GSE1: variants seen among roughly 807,000 people sequenced by gnomAD.
GSE1 encodes the protein Gse1 coiled-coil protein.
GSE1 carries 32 observed loss-of-function variants against 112.6 expected under a neutral mutation model. The ratio of observed to expected loss-of-function variants is 0.28; its 90% CI spans 0.21 to 0.38. The LOEUF is 0.38. GSE1 is among the 10% of genes least tolerant of loss of function. The pLI is 1.00. For missense variants in GSE1, 2,348 were observed against 1,699.2 expected (o/e 1.38, Z -6.71); for synonymous variants, 1,115 against 735.6 (o/e 1.52, Z -8.35).
At chr16:85,440,534 G>A (rs1371610698) in intron 2 of GSE1, among the ~76,000 whole-genome samples, 1 of 152,212 alleles carries the variant, frequency 6.6e-6, no homozygotes, top group African/African-American at 2.4e-5. Context: ...CCCAGAATGA[G>A]GACTCGGCTG....
chr16:85,528,327 T>A (rs1433306957), intron 2 of GSE1, among the ~76,000 whole-genome samples: 1 of 152,078 alleles, frequency 6.6e-6, no homozygotes, highest in Non-Finnish European at 1.5e-5. Flanking sequence ...TTTGTTTGTT[T>A]GTTTGTTTGT....
At chr16:85,668,502 C>CAGACCTCTGCCAGCCTGGG in intron 14 of GSE1, 78 bp downstream of exon 14, 1 of 956,988 alleles carries the variant, frequency 1.0e-6, no homozygotes, top group South Asian at 1.6e-5. Flanking sequence ...TGAGTTCATG[C>CAGACCTCTGCCAGCCTGGG]AGACCTCTGC....
intron 1 of GSE1, among the ~76,000 whole-genome samples, chr16:85,585,232 G>T (rs2046636407): frequency 6.6e-6 from 1 of 152,222 alleles, no homozygotes; most frequent in Admixed American, 6.5e-5. Flanking sequence ...CTGCCCTGCT[G>T]TGTGTCACCG....
intron 2 of GSE1, among the ~76,000 whole-genome samples, chr16:85,403,762 A>G (rs979497909): frequency 5.9e-5 from 9 of 152,174 alleles, no homozygotes; most frequent in African/African-American, 2.2e-4. Context: ...TGATCCTGCC[A>G]CTGCACTCCA....
intron 2 of GSE1, among the ~76,000 whole-genome samples, chr16:85,404,196 G>C (rs1474463697): frequency 7.5e-5 from 7 of 93,240 alleles, no homozygotes; most frequent in African/African-American, 1.4e-4. Flanking sequence ...TACACTCAGG[G>C]CCCCCCTGGA....
chr16:85,278,886 A>T (rs549236430), intron 1 of GSE1: 4 of 185,238 alleles, frequency 2.2e-5, no homozygotes, highest in Non-Finnish European at 3.5e-5. Context: ...TAATTGCTGT[A>T]GAAATCTGCG....
intron 1 of GSE1, among the ~76,000 whole-genome samples, chr16:85,188,238 G>A (rs981242914): frequency 3.3e-5 from 5 of 150,748 alleles, no homozygotes; most frequent in Non-Finnish European, 1.5e-5. Flanking sequence ...CTGGGCACTG[G>A]GCAGCAGTCA....
intron 2 of GSE1, among the ~76,000 whole-genome samples, chr16:85,434,601 T>G (rs1340734186): frequency 6.6e-6 from 1 of 152,052 alleles, no homozygotes; most frequent in Non-Finnish European, 1.5e-5. Flanking sequence ...GCGGATCACT[T>G]GAGGTCAGGA....
chr16:85,650,339 C>G (rs531713718), intron 3 of GSE1, among the ~76,000 whole-genome samples: 49 of 152,292 alleles, frequency 3.2e-4, no homozygotes, highest in African/African-American at 1.2e-3. Context: ...ACAGCTGAGG[C>G]TCCTTGCGCC....
intron 1 of GSE1, among the ~76,000 whole-genome samples, chr16:85,340,430 A>G (rs1046723216): frequency 5.3e-5 from 8 of 152,270 alleles, no homozygotes; most frequent in East Asian, 1.9e-4. Context: ...ACTTGAGGTG[A>G]GGAGTTCGAA....
rs1401097375 is a variant in GSE1 at position 85,661,784 on chromosome 16, C to T, written c.2260+19C>T. 1.1e-5 allele frequency: 16 copies of T among 1,486,004 alleles called. No individual in the cohort carries two copies. In the South Asian group the frequency reaches 2.0e-4, roughly 19 times the overall value. 92.1% of individuals were successfully genotyped at this position (1,486,004 alleles called of 1,614,324 possible). On this transcript the variant is annotated intron_variant, in intron 9 of 15. Coordinates refer to ENST00000253458, the MANE Select transcript of GSE1 (RefSeq NM_014615.5). Reference sequence around the variant, plus strand: ...GAGAAAGGTCTGCCTCCCCGCGGGCCCCGAGCTGCTCAGGGAGAGCCGCAC... The same window carrying T: ...GAGAAAGGTCTGCCTCCCCGCGGGCTCCGAGCTGCTCAGGGAGAGCCGCAC...
At chr16:85,589,603 G>C (rs773516537) in intron 1 of GSE1, among the ~76,000 whole-genome samples, 1 of 152,080 alleles carries the variant, frequency 6.6e-6, no homozygotes, top group African/African-American at 2.4e-5. Flanking sequence ...GTGTGACCCA[G>C]TGTGTGTGTG....
chr16:85,312,541 G>T (rs760499455), intron 1 of GSE1, among the ~76,000 whole-genome samples: 1 of 152,198 alleles, frequency 6.6e-6, no homozygotes, highest in African/African-American at 2.4e-5. Flanking sequence ...TGGATTTAGA[G>T]CCCCGTGGAT....
chr16:85,327,528 G>A (rs541063675), intron 1 of GSE1, among the ~76,000 whole-genome samples: 16 of 152,196 alleles, frequency 1.1e-4, no homozygotes, highest in African/African-American at 2.2e-4. Context: ...ATTTGAACCC[G>A]GGAGGCAGAG....
At chr16:85,661,974 C>G (rs2052472535) in intron 9 of GSE1, among the ~76,000 whole-genome samples, 2 of 152,218 alleles carry the variant, frequency 1.3e-5, no homozygotes, top group African/African-American at 2.4e-5. Context: ...CCTGTCCTGC[C>G]TCGATGCAAA....
chr16:85,290,853 C>T (rs2045188813), intron 1 of GSE1, among the ~76,000 whole-genome samples: 1 of 152,204 alleles, frequency 6.6e-6, no homozygotes, highest in African/African-American at 2.4e-5. Context: ...CTCGTGCAGT[C>T]CCCTCGTCCC....
chr16:85,552,333 T>C (rs1267556745), upstream of GSE1, among the ~76,000 whole-genome samples: 2 of 73,698 alleles, frequency 2.7e-5, no homozygotes, highest in Admixed American at 3.1e-4. Flanking sequence ...CCCTCCTTTT[T>C]TTTTTTTTTT....
chr16:85,663,144 T>C (rs1245780905), intron 10 of GSE1, 51 bp downstream of exon 10: 1 of 1,348,920 alleles, frequency 7.4e-7, no homozygotes, highest in Non-Finnish European at 1.1e-6. Context: ...CTCTCGTTCC[T>C]AGCGTCCACA....
intron 2 of GSE1, among the ~76,000 whole-genome samples, chr16:85,409,279 T>C (rs1176276405): frequency 5.6e-4 from 12 of 21,430 alleles, no homozygotes; most frequent in Admixed American, 3.6e-3. Flanking sequence ...TCAGGGTCCC[T>C]CTGATAATCC....
Sources: allele counts gnomAD v4.1 joint callset (sites outside exome capture counted in the v4.1 genomes callset), GRCh38; gene constraint gnomAD v4.1.1; transcripts MANE v1.5; gene names NCBI Gene and HGNC (gene_info 2026-07-23, HGNC 2026-07-21).